Variants in CRAMP1 observed in about 807,000 individuals in gnomAD.
The protein encoded by CRAMP1 is protein cramped-like.
Under a neutral mutation model 115.4 loss-of-function variants are expected in CRAMP1, and 50 were observed. The observed-to-expected ratio is 0.43, with a 90% CI of 0.35 to 0.55. The LOEUF (loss-of-function observed/expected upper bound fraction) is 0.55, where lower values mean the gene tolerates loss of function less well. CRAMP1 is among the 20% of genes least tolerant of loss of function. CRAMP1 has a pLI of 0.01. For missense variants in CRAMP1, 1,679 were observed against 1,721.7 expected (o/e 0.98, Z 0.44); for synonymous variants, 866 against 745.4 (o/e 1.16, Z -2.64).
At chr16:1,637,317 CAG>C (rs1345020087) in intron 4 of CRAMP1, among the ~76,000 whole-genome samples, 2 of 149,956 alleles carry the variant, frequency 1.3e-5, no homozygotes, top group Non-Finnish European at 3.0e-5. Context: ...AAAAAAAAAA[CAG>C]GGCCTCTTAC....
chr16:1,651,375 AAGGTGGACTGAGAGGTCACGGAG>A (rs927741827), intron 6 of CRAMP1, among the ~76,000 whole-genome samples: 4 of 149,272 alleles, frequency 2.7e-5, no homozygotes, highest in Non-Finnish European at 5.9e-5. Context: ...AGGTCACGGA[AAGGTGGACTGAGAGGTCACGGAG>A]AGGTGGACTG....
chr16:1,666,718 C>T lies in CRAMP1; in HGVS notation c.3036+118C>T. ...CTGCCTTTGGAGGAGAGTCTCTGGACCAGGGGTGCCATGGCATAAGCAAAC... is the reference window on the plus strand; with the variant it reads ...CTGCCTTTGGAGGAGAGTCTCTGGATCAGGGGTGCCATGGCATAAGCAAAC... On this transcript the variant is annotated intron_variant, in intron 16 of 20. Coordinates refer to ENST00000397412, the MANE Select transcript of CRAMP1 (RefSeq NM_020825.4). The surrounding 1 kb of genome is among the most constrained non-coding windows in gnomAD (Gnocchi z 5.0). The T allele has an allele frequency of 1.1e-6, 1 of 938,098 alleles. No homozygotes were observed. The highest frequency in any genetic ancestry group is 1.6e-6 in the Non-Finnish European group (1 of 617,154). 58.1% of individuals were successfully genotyped at this position (938,098 alleles called of 1,614,324 possible). A position where few individuals can be genotyped will look rare whatever the true frequency, so the allele number is the denominator to read the frequency against.
chr16:1,637,824 T>A lies in CRAMP1; in HGVS notation c.695T>A (p.Val232Glu). 1 of 1,511,178 alleles carries A rather than the reference T, an allele frequency of 6.6e-7. No homozygotes were observed. Among genetic ancestry groups the A allele is most frequent in the Admixed American group, 2.3e-5 (1 of 44,320 alleles). 93.6% of individuals were successfully genotyped at this position (1,511,178 alleles called of 1,614,324 possible). Residue 232 changes from valine (V) to glutamate (E), a missense_variant and splice_region_variant, in exon 5 of 21, where the codon GTG becomes GAG. By Grantham distance (121) the Val-to-Glu change is moderately radical. Coordinates refer to ENST00000397412, the MANE Select transcript of CRAMP1 (RefSeq NM_020825.4). ...AGCCGCCTTCTCTTCTGTTTCTCAG[T>A]GTTCTCTCGAGGCCTGAAGAAGTCA... Reference protein sequence around the residue: ...KITKYIDFDHVFSRGLKKSSQ... With the variant: ...KITKYIDFDHEFSRGLKKSSQ...
chr16:1,633,999 G>A (rs564787842), intron 4 of CRAMP1, among the ~76,000 whole-genome samples: 15 of 151,526 alleles, frequency 9.9e-5, no homozygotes, highest in Admixed American at 7.2e-4. Flanking sequence ...CTGCACTCCA[G>A]CTTGGCCACA....
Position 1,659,929 on chromosome 16 carries a change from C to T in CRAMP1, c.2279C>T (p.Ala760Val). The change falls in exon 11 of 21, where the codon GCC becomes GTC. Residue 760 changes from alanine to valine, a missense_variant. By Grantham distance (64) the Ala-to-Val change is moderately conservative. Transcript: ENST00000397412. ...NTISTASVRPAQEEQSMTPPG... is the reference protein window; with the variant it reads ...NTISTASVRPVQEEQSMTPPG... ...ATCTCTACAGCCTCAGTAAGGCCCG[C>T]CCAGGAGGAGCAGTCGATGACGCCC... 1.2e-6 allele frequency: 2 copies of T among 1,612,854 alleles called. No homozygotes were observed. The highest frequency in any genetic ancestry group is 2.2e-5 in the East Asian group (1 of 44,880).
intron 2 of CRAMP1, among the ~76,000 whole-genome samples, chr16:1,624,526 C>T (rs991512540): frequency 1.3e-5 from 2 of 150,802 alleles, no homozygotes; most frequent in East Asian, 3.9e-4. Flanking sequence ...CAATTCAGTT[C>T]TCCTGCCTCA....
intron 10 of CRAMP1, among the ~76,000 whole-genome samples, chr16:1,658,239 C>T (rs2142200533): frequency 6.6e-6 from 1 of 151,882 alleles, no homozygotes; most frequent in South Asian, 2.1e-4. Flanking sequence ...GCCCAACCCT[C>T]AGGCACCTCT....
At position 1,662,530 on chromosome 16, in the gene CRAMP1, C is replaced by T; in HGVS notation, c.2454C>T (p.Pro818=). 1.2e-6 allele frequency: 2 copies of T among 1,614,002 alleles called. No homozygotes were observed. The highest frequency in any genetic ancestry group is 1.7e-6 in the Non-Finnish European group (2 of 1,179,882). Residue 818 remains proline, a synonymous_variant, in exon 12 of 21, where the codon CCC becomes CCT. Coordinates refer to ENST00000397412, the MANE Select transcript of CRAMP1 (RefSeq NM_020825.4). ...CAAGACCCCTCTTGGTGCCTGGTCC[C>T]TCCAGCACAGGAAGCAATGACTCAG... ...NPPRPLLVPG[P]SSTGSNDSDG... is the part of the protein sequence containing the mutation.
At chr16:1,626,564 G>T (rs944497123) in intron 3 of CRAMP1, among the ~76,000 whole-genome samples, 2 of 150,792 alleles carry the variant, frequency 1.3e-5, no homozygotes, top group African/African-American at 4.9e-5. Context: ...CTTGTCTCGG[G>T]GGTCAGTGTA....
chr16:1,653,625 C>A (rs1000775024), intron 8 of CRAMP1, among the ~76,000 whole-genome samples: 1 of 143,008 alleles, frequency 7.0e-6, no homozygotes. Flanking sequence ...GTCAGGAGAT[C>A]GAGACCTTTC....
At chr16:1,662,433 C>CCT in intron 11 of CRAMP1, 57 bp from the exon 12 acceptor site, 1 of 1,416,146 alleles carries the variant, frequency 7.1e-7, no homozygotes, top group Non-Finnish European at 9.9e-7. Flanking sequence ...ATTCCGTGAC[C>CCT]CTGGACCTGT....
At chr16:1,633,605 G>A (rs766667582) in intron 4 of CRAMP1, among the ~76,000 whole-genome samples, 3 of 152,234 alleles carry the variant, frequency 2.0e-5, no homozygotes, top group African/African-American at 2.4e-5. Context: ...CAGCTCACTT[G>A]TTTATTTGAA....
At position 1,669,110 on chromosome 16, in the gene CRAMP1, C is replaced by T. The variant is rs368018619; in HGVS notation, c.3444C>T (p.His1148=). Residue 1148 remains histidine (H), a synonymous_variant, in exon 19 of 21, where the codon CAC becomes CAT. Transcript: ENST00000397412. The surrounding 1 kb of genome is among the most constrained non-coding windows in gnomAD (Gnocchi z 4.6). ...PQPHWIASPT[H]DPQWYPSDST... ...CACACTGGATCGCCTCTCCCACCCA[C>T]GACCCCCAGTGGTACCCCAGTGACT... 97 of 1,610,398 alleles carry T rather than the reference C, an allele frequency of 6.0e-5. No homozygotes were observed. The highest frequency in any genetic ancestry group is 6.7e-5 in the Admixed American group (4 of 59,530).
At chr16:1,642,492 C>T (rs2036640770) in intron 6 of CRAMP1, among the ~76,000 whole-genome samples, 1 of 152,240 alleles carries the variant, frequency 6.6e-6, no homozygotes, top group Admixed American at 6.5e-5. Flanking sequence ...GTCTGGGGTA[C>T]AGCCAGGGGC....
At position 1,625,448 on chromosome 16, in the gene CRAMP1, T is replaced by C. The variant is rs74992237; in HGVS notation, c.347-525T>C. On this transcript the variant is annotated intron_variant, in intron 2 of 20. Coordinates refer to ENST00000397412, the MANE Select transcript of CRAMP1 (RefSeq NM_020825.4). ...GTGGACATTGATTGAGGGTAAGGAA[T>C]TTTAAGACTAAAGATTCTTAGGCGT... Among the ~76,000 whole-genome samples, 350 of 152,354 alleles carry C rather than the reference T, an allele frequency of 2.3e-3. 1 individual carries two copies. Among genetic ancestry groups the C allele is most frequent in the African/African-American group, 8.1e-3 (336 of 41,588 alleles).
At chr16:1,664,234 A>G (rs376722754) in intron 13 of CRAMP1, among the ~76,000 whole-genome samples, 5 of 152,300 alleles carry the variant, frequency 3.3e-5, no homozygotes, top group African/African-American at 9.6e-5. Flanking sequence ...GGTTTCTCAG[A>G]TGGTAGTCCT....
At chr16:1,637,278 A>G (rs2036596607) in intron 4 of CRAMP1, among the ~76,000 whole-genome samples, 1 of 151,010 alleles carries the variant, frequency 6.6e-6, no homozygotes, top group Non-Finnish European at 1.5e-5. Context: ...TGGGCGAGAG[A>G]GTGAGACCCT....
At position 1,656,351 on chromosome 16, in the gene CRAMP1, G is replaced by T. The variant is rs1056706414; in HGVS notation, c.1594G>T (p.Asp532Tyr). ...CLEKTPAEGRDSPTREPGALP... is the reference protein window; with the variant it reads ...CLEKTPAEGRYSPTREPGALP... Reference sequence around the variant, plus strand: ...TGAGAAGACCCCTGCAGAAGGCAGGGACAGTCCCACCCGGGAGCCAGGGGC... The same window carrying T: ...TGAGAAGACCCCTGCAGAAGGCAGGTACAGTCCCACCCGGGAGCCAGGGGC... Residue 532 changes from aspartate to tyrosine, a missense_variant, in exon 10 of 21, where the codon GAC becomes TAC. By Grantham distance (160) the Asp-to-Tyr change is radical. Coordinates refer to ENST00000397412, the MANE Select transcript of CRAMP1 (RefSeq NM_020825.4). The surrounding 1 kb of genome is among the most constrained non-coding windows in gnomAD (Gnocchi z 5.6). 1.6e-5 allele frequency: 25 copies of T among 1,607,086 alleles called. No individual in the cohort carries two copies. The Middle Eastern group carries it at 4.9e-4, about 32-fold the overall frequency.
At chr16:1,654,799 G>A (rs77704630) in intron 8 of CRAMP1, among the ~76,000 whole-genome samples, 1 of 152,184 alleles carries the variant, frequency 6.6e-6, no homozygotes, top group African/African-American at 2.4e-5. Context: ...ATGCTTTTGA[G>A]GTTCACCCAT....
Sources: allele counts gnomAD v4.1 joint callset (sites outside exome capture counted in the v4.1 genomes callset), GRCh38; gene constraint gnomAD v4.1.1; non-coding constraint Gnocchi (gnomAD v3.1); transcripts MANE v1.5; gene names NCBI Gene and HGNC (gene_info 2026-07-23, HGNC 2026-07-21).